The following DUSP22 variants were observed in gnomAD, a reference collection of about 807,000 sequenced individuals.
DUSP22 encodes dual specificity phosphatase 22.
Under a neutral mutation model 24.5 loss-of-function variants are expected in DUSP22, and 24 were observed. That is an observed-to-expected ratio of 0.98 (90% CI 0.71 to 1.38). DUSP22 has a LOEUF of 1.38. Among genes scored for constraint, DUSP22 ranks in the 40% most tolerant of loss-of-function variants. The pLI, the probability that DUSP22 is intolerant of heterozygous loss-of-function variation, is 0.00. For synonymous variants in DUSP22, 160 were observed against 106.4 expected, an observed-to-expected ratio of 1.50 and a Z score of -3.10; for missense variants, 330 against 269.2, an observed-to-expected ratio of 1.23 and a Z score of -1.58.
rs1760066268 is a variant in DUSP22, at chr6:349,353, C to CT, written c.*405dup. Reference sequence around the variant, plus strand: ...ATGAATGTTTGTGTGTGTGTGAACTCTTTCTTACTGCTGGAAGTCACAGAA... The same window carrying CT: ...ATGAATGTTTGTGTGTGTGTGAACTCTTTTCTTACTGCTGGAAGTCACAGAA... On this transcript the variant is annotated 3_prime_UTR_variant, in exon 7 of 7. Coordinates refer to ENST00000419235, the MANE Select transcript of DUSP22 (RefSeq NM_001286555.3). 2 of 1,042,924 alleles carry CT rather than the reference C, an allele frequency of 1.9e-6. No individual in the cohort carries two copies. Among genetic ancestry groups the CT allele is most frequent in the Non-Finnish European group, 1.2e-6 (1 of 866,360 alleles). The allele number at this position is 1,042,924 out of a possible 1,614,324, so 64.6% of individuals were successfully genotyped here.
Position 306,572 on chromosome 6 carries a change from G to A in DUSP22, c.55+1911G>A, listed in dbSNP as rs866972389. 3.3e-5 allele frequency among the ~76,000 whole-genome samples: 5 copies of A among 152,410 alleles called. No individual in the cohort carries two copies. In the South Asian group the frequency reaches 1.0e-3, roughly 32 times the overall value. On this transcript the variant is annotated intron_variant, in intron 2 of 6. Transcript: ENST00000419235. ...TTAAGTTATTCTGATATTGGTATGA[G>A]GTTGTGTTTTATTCACTCGTTAGCC...
At chr6:301,206 C>T (rs1466485053) in intron 1 of DUSP22, among the ~76,000 whole-genome samples, 2 of 152,262 alleles carry the variant, frequency 1.3e-5, no homozygotes, top group African/African-American at 4.8e-5. Flanking sequence ...ACTGGAAAAC[C>T]AATAAGATAA....
chr6:341,122 C>T lies in DUSP22; in HGVS notation c.189-4732C>T, dbSNP rs567421297. 2.4e-4 allele frequency among the ~76,000 whole-genome samples: 36 copies of T among 152,406 alleles called. No homozygotes were observed. In the East Asian group the frequency reaches 6.7e-3, roughly 29 times the overall value. On this transcript the variant is annotated intron_variant, in intron 4 of 6. Coordinates refer to ENST00000419235, the MANE Select transcript of DUSP22 (RefSeq NM_001286555.3). ...CTGGAGGTGCCCCTGCTGCAAGGAC[C>T]GCGGGCAGGAGCGGGCATGATAGCC... is the stretch of plus-strand genomic sequence containing the variant.
intron 1 of DUSP22, 82 bp downstream of exon 1, chr6:292,642 C>G (rs1314389993): frequency 1.2e-5 from 18 of 1,531,682 alleles, no homozygotes; most frequent in Non-Finnish European, 1.4e-5. Flanking sequence ...CCCGACGACT[C>G]GAGCCCGGGG....
intron 1 of DUSP22, among the ~76,000 whole-genome samples, chr6:302,869 G>A (rs1012366096): frequency 2.2e-4 from 33 of 152,302 alleles, no homozygotes; most frequent in African/African-American, 7.2e-4. Context: ...AGGGCAGGGT[G>A]AGGGAGTGGG....
chr6:304,586 T>C, intron 1 of DUSP22, 42 bp from the exon 2 acceptor site: 1 of 1,614,126 alleles, frequency 6.2e-7, no homozygotes. Context: ...ACCATCCACT[T>C]AGAGTCTGCC....
intron 4 of DUSP22, among the ~76,000 whole-genome samples, chr6:335,796 G>A (rs1759335555): frequency 6.6e-6 from 1 of 152,308 alleles, no homozygotes; most frequent in Non-Finnish European, 1.5e-5. Context: ...ACCCCAGGAG[G>A]CTGGCGGCTG....
In DUSP22 at chr6:348,856, C is replaced by T. The variant is rs1760020411; in HGVS notation, c.523C>T (p.Gln175Ter). The T allele has an allele frequency of 6.2e-7, 1 of 1,614,306 alleles. No individual in the cohort carries two copies. The highest frequency in any genetic ancestry group is 1.3e-5 in the African/African-American group (1 of 75,090). ...AKNILGKYKE[Q>*]GRTEPQPGAR... ...AAACATTCTGGGTAAATATAAGGAG[C>T]AAGGGCGCACAGAGCCCCAGCCCGG... Residue 175 changes from glutamine to a stop codon, truncating the protein, a stop_gained, in exon 7 of 7, where the codon CAA becomes TAA. Transcript: ENST00000419235. LOFTEE classifies it high-confidence loss of function.
chr6:331,524 G>C (rs1227731455), intron 3 of DUSP22, among the ~76,000 whole-genome samples: 1 of 152,300 alleles, frequency 6.6e-6, no homozygotes, highest in Non-Finnish European at 1.5e-5. Context: ...CAAAACCGGA[G>C]AGTGGTCCTG....
chr6:313,885 G>A (rs1724060829), intron 3 of DUSP22, among the ~76,000 whole-genome samples: 2 of 152,304 alleles, frequency 1.3e-5, no homozygotes, highest in Non-Finnish European at 2.9e-5. Flanking sequence ...AATTGGTGGT[G>A]CCCACATTAA....
At chr6:299,389 C>T (rs1425354506) in intron 1 of DUSP22, among the ~76,000 whole-genome samples, 2 of 152,304 alleles carry the variant, frequency 1.3e-5, no homozygotes, top group South Asian at 2.1e-4. Context: ...ACAAAAATAT[C>T]GTGAAAATAG....
chr6:304,555 G>A (rs1757734963), intron 1 of DUSP22, 73 bp from the exon 2 acceptor site: 1 of 1,605,038 alleles, frequency 6.2e-7, no homozygotes, highest in Non-Finnish European at 8.5e-7. Flanking sequence ...CCTGCTGCTG[G>A]ATGAGGCCCC....
At chr6:345,692 C>T (rs1207456670) in intron 4 of DUSP22, among the ~76,000 whole-genome samples, 162 bp from the exon 5 acceptor site, 1 of 152,304 alleles carries the variant, frequency 6.6e-6, no homozygotes, top group Non-Finnish European at 1.5e-5. Flanking sequence ...TGTATACATG[C>T]ATTGAAGTGT....
At chr6:340,601 A>C (rs567464513) in intron 4 of DUSP22, among the ~76,000 whole-genome samples, 1 of 152,428 alleles carries the variant, frequency 6.6e-6, no homozygotes, top group East Asian at 1.9e-4. Context: ...ATATATAAGG[A>C]TGCTTGCCTT....
chr6:337,704 A>T (rs1169370225), intron 4 of DUSP22, among the ~76,000 whole-genome samples: 1 of 152,308 alleles, frequency 6.6e-6, no homozygotes, highest in East Asian at 1.9e-4. Context: ...CAAAGTCTGG[A>T]CTTTTAGCGC....
At chr6:294,870 G>A (rs974493425) in intron 1 of DUSP22, among the ~76,000 whole-genome samples, 13 of 152,284 alleles carry the variant, frequency 8.5e-5, no homozygotes, top group Non-Finnish European at 1.8e-4. Context: ...GGGGAAAGCA[G>A]AAGATGGGAT....
chr6:292,948 C>A (rs910924221), intron 1 of DUSP22, among the ~76,000 whole-genome samples: 1 of 152,292 alleles, frequency 6.6e-6, no homozygotes, highest in Non-Finnish European at 1.5e-5. Context: ...ACCGCCCCCC[C>A]CACATCATTA....
intron 3 of DUSP22, among the ~76,000 whole-genome samples, chr6:322,277 G>A: frequency 6.6e-6 from 1 of 152,306 alleles, no homozygotes; most frequent in Non-Finnish European, 1.5e-5. Flanking sequence ...TTTATGTGGT[G>A]TTATGCAATG....
Position 351,215 on chromosome 6 carries a change from A to T in DUSP22, c.*2264A>T. The T allele has an allele frequency of 6.8e-6, 2 of 293,044 alleles. No homozygotes were observed. Among genetic ancestry groups the T allele is most frequent in the South Asian group, 6.0e-5 (1 of 16,652 alleles). 18.2% of individuals were successfully genotyped at this position (293,044 alleles called of 1,614,324 possible). ...AGCCCAGTGTAGTTGTGTGGCGTGA[A>T]CTCTGCCCGTGTGTTCTCAAATTCC... is the stretch of plus-strand genomic sequence containing the variant. On this transcript the variant is annotated 3_prime_UTR_variant, in exon 7 of 7. Coordinates refer to ENST00000419235, the MANE Select transcript of DUSP22 (RefSeq NM_001286555.3).
Sources: gnomAD v4.1 joint callset for allele counts (sites outside exome capture counted in the v4.1 genomes callset) on GRCh38, gnomAD v4.1.1 for gene constraint, MANE v1.5 for transcripts, NCBI Gene and HGNC (gene_info 2026-07-23, HGNC 2026-07-21) for gene names.